Variants in PDE4D observed in about 807,000 individuals in gnomAD.
PDE4D encodes phosphodiesterase 4D, also known as 3',5'-cyclic-AMP phosphodiesterase 4D.
Under a neutral mutation model 87.4 loss-of-function variants are expected in PDE4D, and 24 were observed. The observed-to-expected ratio is 0.27, with a 90% CI of 0.20 to 0.39. The LOEUF (loss-of-function observed/expected upper bound fraction) is 0.39, where lower values mean the gene tolerates loss of function less well. Ranked by LOEUF, PDE4D falls within the 10% of genes least tolerant of loss-of-function variation. The pLI is 1.00. For synonymous variants in PDE4D, 384 were observed against 383.2 expected, an observed-to-expected ratio of 1.00 and a Z score of -0.02; for missense variants, 714 against 1,041.0, an observed-to-expected ratio of 0.69 and a Z score of 4.32.
intron 2 of PDE4D, among the ~76,000 whole-genome samples, chr5:60,046,914 A>G (rs1217066951): frequency 6.6e-6 from 1 of 151,986 alleles, no homozygotes; most frequent in Non-Finnish European, 1.5e-5. Flanking sequence ...CTCTTTTTCT[A>G]TTGATTGGAA....
chr5:59,449,781 A>G (rs994038433), intron 1 of PDE4D, among the ~76,000 whole-genome samples: 3 of 152,108 alleles, frequency 2.0e-5, no homozygotes, highest in Non-Finnish European at 4.4e-5. Flanking sequence ...CAGGAAAAAA[A>G]AAACCACCTA....
chr5:59,086,387 C>T (rs1221483858), intron 5 of PDE4D, among the ~76,000 whole-genome samples: 1 of 152,202 alleles, frequency 6.6e-6, no homozygotes, highest in Non-Finnish European at 1.5e-5. Context: ...ATTTTTCTAA[C>T]AATTCCAATC....
chr5:59,177,823 C>T (rs948317883), intron 5 of PDE4D, among the ~76,000 whole-genome samples: 4 of 152,198 alleles, frequency 2.6e-5, no homozygotes, highest in Non-Finnish European at 5.9e-5. Context: ...ATTTGCGAAC[C>T]TGTACCTGGG....
intron 5 of PDE4D, among the ~76,000 whole-genome samples, chr5:59,137,525 C>CTTTTTTTTTTTTTT (rs61134818): frequency 1.4e-5 from 2 of 139,600 alleles, no homozygotes; most frequent in Non-Finnish European, 3.1e-5. Context: ...GGGAAAGTTT[C>CTTTTTTTTTTTTTT]TTTTTTTTTT....
chr5:60,050,180 C>T (rs184289253), intron 2 of PDE4D, among the ~76,000 whole-genome samples: 193 of 152,298 alleles, frequency 1.3e-3, no homozygotes, highest in African/African-American at 4.4e-3. Context: ...CTCCCTGACC[C>T]CTTGTGCTTC....
intron 1 of PDE4D, among the ~76,000 whole-genome samples, chr5:59,858,166 A>G (rs1478596834): frequency 6.6e-6 from 1 of 152,114 alleles, no homozygotes; most frequent in Non-Finnish European, 1.5e-5. Context: ...GGTGCATTTC[A>G]TAGGTATGTG....
At chr5:59,112,955 C>T (rs1772938351) in intron 5 of PDE4D, among the ~76,000 whole-genome samples, 2 of 152,150 alleles carry the variant, frequency 1.3e-5, no homozygotes, top group South Asian at 4.2e-4. Context: ...CATGCACCAC[C>T]ACGCATGGCT....
intron 1 of PDE4D, among the ~76,000 whole-genome samples, chr5:59,674,755 AT>A (rs1280322089): frequency 1.6e-4 from 24 of 152,350 alleles, no homozygotes; most frequent in African/African-American, 5.0e-4. Context: ...ACTCTTTTCA[AT>A]AGGTAGTATT....
At chr5:60,115,453 A>C (rs1778083928) in intron 2 of PDE4D, among the ~76,000 whole-genome samples, 1 of 152,148 alleles carries the variant, frequency 6.6e-6, no homozygotes, top group Non-Finnish European at 1.5e-5. Context: ...AAGACACCAA[A>C]TAATGAGGAT....
intron 5 of PDE4D, among the ~76,000 whole-genome samples, chr5:59,150,722 T>G (rs1779355417): frequency 1.3e-5 from 2 of 152,188 alleles, no homozygotes; most frequent in Non-Finnish European, 2.9e-5. Context: ...ATCTATAATA[T>G]TTAACCACAG....
chr5:59,361,720 C>G (rs1456228263), intron 1 of PDE4D, among the ~76,000 whole-genome samples: 1 of 152,158 alleles, frequency 6.6e-6, no homozygotes, highest in Non-Finnish European at 1.5e-5. Context: ...TGGATAACAT[C>G]TGCTTTCCCT....
intron 2 of PDE4D, among the ~76,000 whole-genome samples, chr5:60,030,611 C>T (rs1275459263): frequency 2.0e-5 from 3 of 152,188 alleles, no homozygotes. Context: ...TAAATCAAAT[C>T]TTAAAAAGAC....
intron 1 of PDE4D, among the ~76,000 whole-genome samples, chr5:59,464,793 G>A (rs1276497528): frequency 2.0e-5 from 3 of 151,880 alleles, no homozygotes; most frequent in Non-Finnish European, 2.9e-5. Context: ...AAAATAATGT[G>A]ATAAAAACAC....
chr5:59,538,385 G>A (rs1196866643), intron 1 of PDE4D, among the ~76,000 whole-genome samples: 1 of 152,078 alleles, frequency 6.6e-6, no homozygotes, highest in Non-Finnish European at 1.5e-5. Flanking sequence ...AGCCCAAATG[G>A]AACACATAAT....
chr5:60,036,612 G>A (rs374005140), intron 2 of PDE4D, among the ~76,000 whole-genome samples: 1 of 152,206 alleles, frequency 6.6e-6, no homozygotes, highest in Admixed American at 6.5e-5. Flanking sequence ...AATTCACAAA[G>A]TTCACAGAAT....
intron 3 of PDE4D, among the ~76,000 whole-genome samples, chr5:59,915,797 A>G (rs554506091): frequency 2.6e-5 from 4 of 152,186 alleles, no homozygotes; most frequent in Non-Finnish European, 5.9e-5. Context: ...ATTTTCATTT[A>G]TTTAGAACAC....
chr5:59,157,915 C>T (rs138008229), intron 5 of PDE4D, among the ~76,000 whole-genome samples: 18 of 152,272 alleles, frequency 1.2e-4, no homozygotes, highest in African/African-American at 4.1e-4. Context: ...TTTTAAAAAT[C>T]CAGTTTAATT....
intron 2 of PDE4D, among the ~76,000 whole-genome samples, chr5:60,173,319 C>T (rs560131165): frequency 1.3e-5 from 2 of 151,936 alleles, no homozygotes; most frequent in East Asian, 3.9e-4. Flanking sequence ...GCCTTTCCTA[C>T]CTGTAAGTTT....
intron 1 of PDE4D, among the ~76,000 whole-genome samples, chr5:60,222,043 G>A (rs143229066): frequency 6.6e-5 from 10 of 152,016 alleles, no homozygotes; most frequent in African/African-American, 1.4e-4. Context: ...CCTTCTCCCC[G>A]CACATACATA....
Sources: allele counts gnomAD v4.1 joint callset (sites outside exome capture counted in the v4.1 genomes callset), GRCh38; gene constraint gnomAD v4.1.1; transcripts MANE v1.5; gene names NCBI Gene and HGNC (gene_info 2026-07-23, HGNC 2026-07-21).